Variants in CHRNA4 observed in about 807,000 individuals in gnomAD.
CHRNA4 encodes neuronal acetylcholine receptor subunit alpha-4.
A neutral mutation model predicts 48.9 loss-of-function variants in CHRNA4; 28 were observed. The ratio of observed to expected loss-of-function variants is 0.57; its 90% CI spans 0.42 to 0.79. The LOEUF (loss-of-function observed/expected upper bound fraction) is 0.79. Among genes scored for constraint, CHRNA4 ranks in the 30% least tolerant of loss-of-function variants. The probability of loss-of-function intolerance (pLI) is 0.00; values close to 1 mark genes in which losing one functional copy is unlikely to be tolerated. For missense variants in CHRNA4, 859 were observed against 898.4 expected, an observed-to-expected ratio of 0.96 and a Z score of 0.56; for synonymous variants, 425 against 402.3, an observed-to-expected ratio of 1.06 and a Z score of -0.68.
chr20:63,355,294 G>A (rs951998044), intron 4 of CHRNA4: 42 of 354,700 alleles, frequency 1.2e-4, no homozygotes, highest in Middle Eastern at 2.0e-3. Context: ...CCGTGGCAAC[G>A]CTGCCCTGGC....
intron 2 of CHRNA4, 22 bp from the exon 3 acceptor site, chr20:63,356,437 G>A (rs201231518): frequency 3.7e-5 from 59 of 1,591,496 alleles, no homozygotes; most frequent in Non-Finnish European, 4.5e-5. Context: ...AGAGAGGAAG[G>A]GGGCCAGTGA....
Position 63,356,661 on chromosome 20 carries a change from G to C in CHRNA4, c.229-246C>G, listed in dbSNP as rs1018352983. 1.2e-5 allele frequency: 7 copies of C among 587,048 alleles called. No homozygotes were observed. The Admixed American group carries it at 1.4e-4, about 12-fold the overall frequency. The allele number at this position is 587,048 out of a possible 1,614,324, so 36.4% of individuals were successfully genotyped here. On this transcript the variant is annotated intron_variant, in intron 2 of 5. Coordinates refer to ENST00000370263, the MANE Select transcript of CHRNA4 (RefSeq NM_000744.7). ...TCCAGCAGGAAACTGGAGAGGAGTC[G>C]GCGGCCTCACAGGCTTCCCCAGCTA...
chr20:63,357,219 C>T (rs2068735250), intron 2 of CHRNA4, among the ~76,000 whole-genome samples: 1 of 150,496 alleles, frequency 6.6e-6, no homozygotes, highest in African/African-American at 2.5e-5. Flanking sequence ...CTGACCATGT[C>T]CCCACAGGAC....
At chr20:63,349,591 A>AAGGGCGTCCGCCGGTTCC (rs2068548900) in intron 5 of CHRNA4, 62 bp downstream of exon 5, 1 of 1,600,726 alleles carries the variant, frequency 6.2e-7, no homozygotes, top group Non-Finnish European at 8.5e-7. Flanking sequence ...ACCAGGAAGA[A>AAGGGCGTCCGCCGGTTCC]AGGGCGTCCG....
intron 4 of CHRNA4, among the ~76,000 whole-genome samples, chr20:63,351,370 A>G (rs976148548): frequency 2.0e-5 from 3 of 152,202 alleles, no homozygotes; most frequent in African/African-American, 7.2e-5. Context: ...ATCATCCCTG[A>G]GCTGGGCGTA....
rs369774824 is a variant in CHRNA4, at chr20:63,348,520, C to T, written c.1758+1133G>A. Among the ~76,000 whole-genome samples the T allele has an allele frequency of 3.9e-5, 6 of 152,336 alleles. No homozygotes were observed. In the South Asian group the frequency reaches 1.0e-3, roughly 26 times the overall value. On this transcript the variant is annotated intron_variant, in intron 5 of 5. Transcript: ENST00000370263. The stretch of plus-strand genomic sequence containing the variant: ...GGCTCGCTCAGCTAGTGGGGGCAGG[C>T]ACCAGATGCGTCCGAATAAACCATC...
At position 63,350,185 on chromosome 20, in the gene CHRNA4, C is replaced by G. The variant is rs1276364942; in HGVS notation, c.1226G>C (p.Cys409Ser). The change falls in exon 5 of 6, where the codon TGT becomes TCT. Residue 409 changes from cysteine to serine, a missense_variant. Physicochemically the swap from Cys to Ser is moderately radical, Grantham distance 112. Coordinates refer to ENST00000370263, the MANE Select transcript of CHRNA4 (RefSeq NM_000744.7). ...CTCAGCCGGCACATCCAGGGGGACA[C>G]AGAAGGACGGTGAGGGCGGGTGCAG... Reference protein sequence around the residue: ...QSLHPPSPSFCVPLDVPAEPG... With the variant: ...QSLHPPSPSFSVPLDVPAEPG... The G allele has an allele frequency of 6.3e-7, 1 of 1,594,762 alleles. No individual in the cohort carries two copies. Among genetic ancestry groups the G allele is most frequent in the African/African-American group, 1.3e-5 (1 of 74,766 alleles).
rs200201830 is a variant in CHRNA4, at chr20:63,345,076, C to T, written c.*1662G>A. ...GCAATGTGGGCCTGAGTCTCCTCCC[C>T]ACTCACGTCACTGCCCGCGGGGACA... On this transcript the variant is annotated 3_prime_UTR_variant, in exon 6 of 6. Transcript: ENST00000370263. The surrounding 1 kb of genome is among the most constrained non-coding windows in gnomAD (Gnocchi z 5.4). 1.6e-4 allele frequency: 73 copies of T among 453,932 alleles called. No homozygotes were observed. The Middle Eastern group carries it at 2.7e-3, about 17-fold the overall frequency. 28.1% of individuals were successfully genotyped at this position (453,932 alleles called of 1,614,324 possible). A position where few individuals can be genotyped will look rare whatever the true frequency, so the allele number is the denominator to read the frequency against.
intron 4 of CHRNA4, among the ~76,000 whole-genome samples, chr20:63,352,727 T>C (rs1568813633): frequency 6.6e-6 from 1 of 152,214 alleles, no homozygotes; most frequent in Non-Finnish European, 1.5e-5. Flanking sequence ...GCCAGGGCCA[T>C]GCTCAGGGAA....
At position 63,350,810 on chromosome 20, in the gene CHRNA4, G is replaced by T. The variant is rs1251885752; in HGVS notation, c.601C>A (p.Leu201Met). 1 of 1,613,844 alleles carries T rather than the reference G, an allele frequency of 6.2e-7. No individual in the cohort carries two copies. Among genetic ancestry groups the T allele is most frequent in the Non-Finnish European group, 8.5e-7 (1 of 1,180,034 alleles). Residue 201 changes from leucine (L) to methionine (M), a missense_variant, in exon 5 of 6, where the codon CTG becomes ATG. Physicochemically the swap from Leu to Met is conservative, Grantham distance 15. Coordinates refer to ENST00000370263, the MANE Select transcript of CHRNA4 (RefSeq NM_000744.7). ...CACTCGCCACTCTCCCAGAAGTCCA[G>T]CTGGTCCACGCGGCTGTGCATGTTC... ...LVNMHSRVDQLDFWESGEWVI... is the reference protein window; with the variant it reads ...LVNMHSRVDQMDFWESGEWVI...
chr20:63,343,618 G>A lies in CHRNA4; in HGVS notation c.*3120C>T, dbSNP rs45612034. 23,556 of 453,598 alleles carry A rather than the reference G, an allele frequency of 0.052. 906 individuals carry two copies. Among genetic ancestry groups the A allele is most frequent in the South Asian group, 0.11 (6,966 of 64,464 alleles). The allele number at this position is 453,598 out of a possible 1,614,324, so 28.1% of individuals were successfully genotyped here. On this transcript the variant is annotated 3_prime_UTR_variant, in exon 6 of 6. Transcript: ENST00000370263. ...CCACGCTTCCTGAGAGGAGGGCCAC[G>A]TCGCCCCAGGCCGGGCCACACGGGA... is the stretch of plus-strand genomic sequence containing the variant.
intron 1 of CHRNA4, 185 bp from the exon 2 acceptor site, chr20:63,359,884 TGC>T: frequency 3.5e-6 from 2 of 571,944 alleles, no homozygotes; most frequent in Non-Finnish European, 6.2e-6. Flanking sequence ...TGTGTGTGTG[TGC>T]CGGGCGTGTG....
In CHRNA4 at chr20:63,346,211, G is replaced by C. The variant is rs201699497; in HGVS notation, c.*527C>G. The C allele has an allele frequency of 2.2e-6, 1 of 454,356 alleles. No homozygotes were observed. Among genetic ancestry groups the C allele is most frequent in the Middle Eastern group, 6.9e-4 (1 of 1,442 alleles). The allele number at this position is 454,356 out of a possible 1,614,324, so 28.1% of individuals were successfully genotyped here. A position where few individuals can be genotyped will look rare whatever the true frequency, so the allele number is the denominator to read the frequency against. On this transcript the variant is annotated 3_prime_UTR_variant, in exon 6 of 6. Coordinates refer to ENST00000370263, the MANE Select transcript of CHRNA4 (RefSeq NM_000744.7). ...AGCGAAGCAGATTGGAGCGCTGCTG[G>C]CTCACCCTCATGGGGCCCGAGAGGC...
chr20:63,350,113 T>C lies in CHRNA4; in HGVS notation c.1298A>G (p.Gln433Arg), dbSNP rs1378459382. 111 of 1,545,946 alleles carry C rather than the reference T, an allele frequency of 7.2e-5. No homozygotes were observed. Among genetic ancestry groups the C allele is most frequent in the Non-Finnish European group, 9.6e-5 (110 of 1,143,540 alleles). Reference protein sequence around the residue: ...KSPSDQLPPQQPLEAEKASPH... With the variant: ...KSPSDQLPPQRPLEAEKASPH... Reference sequence around the variant, plus strand: ...GCTGGCTTTCTCAGCTTCCAGGGGCTGCTGAGGAGGGAGCTGGTCGGAGGG... The same window carrying C: ...GCTGGCTTTCTCAGCTTCCAGGGGCCGCTGAGGAGGGAGCTGGTCGGAGGG... The change falls in exon 5 of 6, where the codon CAG becomes CGG. Residue 433 changes from glutamine (Q) to arginine (R), a missense_variant. Physicochemically the swap from Gln to Arg is conservative, Grantham distance 43. Around this residue, in one of 3 missense-constraint regions of CHRNA4, gnomAD observed 478 missense variants for 455.4 expected, o/e 1.05. Coordinates refer to ENST00000370263, the MANE Select transcript of CHRNA4 (RefSeq NM_000744.7).
chr20:63,361,188 T>C lies in CHRNA4; in HGVS notation c.-23A>G. ...CATGGCGCACGCACCTCGCGGGCTC[T>C]AGATGCGGGCGGCTCCCGGCTCCCC... is the stretch of plus-strand genomic sequence containing the variant. On this transcript the variant is annotated 5_prime_UTR_variant, in exon 1 of 6. The change abolishes the stop of an existing upstream ORF in the 5' untranslated region. Transcript: ENST00000370263. The C allele has an allele frequency of 6.8e-7, 1 of 1,460,046 alleles. No individual in the cohort carries two copies. Among genetic ancestry groups the C allele is most frequent in the African/African-American group, 1.5e-5 (1 of 67,768 alleles). 90.4% of individuals were successfully genotyped at this position (1,460,046 alleles called of 1,614,324 possible). A position where few individuals can be genotyped will look rare whatever the true frequency, so the allele number is the denominator to read the frequency against.
At chr20:63,355,815 T>A in intron 4 of CHRNA4, 160 bp downstream of exon 4, 1 of 1,083,796 alleles carries the variant, frequency 9.2e-7, no homozygotes, top group Non-Finnish European at 1.3e-6. Context: ...TTGCTCCTGC[T>A]TCTTCCTTCC....
intron 4 of CHRNA4, 139 bp from the exon 5 acceptor site, chr20:63,351,166 C>T (rs1445913739): frequency 5.3e-6 from 4 of 750,264 alleles, no homozygotes; most frequent in African/African-American, 1.9e-5. Flanking sequence ...CCCACATCCA[C>T]GTCCACGCCC....
intron 4 of CHRNA4, chr20:63,355,495 C>A (rs765428448): frequency 7.8e-7 from 1 of 1,289,456 alleles, no homozygotes; most frequent in South Asian, 1.2e-5. Flanking sequence ...GGCTTCCTCA[C>A]CCCTCTCCAG....
In CHRNA4 at chr20:63,345,354, G is replaced by A. The variant is rs1221774664; in HGVS notation, c.*1384C>T. ...CCTGAACCGATGTCACTCACAGGCA[G>A]GGGACACGCCATCCTGGCCCCGCCC... is the stretch of plus-strand genomic sequence containing the variant. On this transcript the variant is annotated 3_prime_UTR_variant, in exon 6 of 6. Transcript: ENST00000370263. This position sits in a 1 kb window ranked among gnomAD's most constrained non-coding sequence, Gnocchi z 5.4. 1 of 447,752 alleles carries A rather than the reference G, an allele frequency of 2.2e-6. No individual in the cohort carries two copies. The highest frequency in any genetic ancestry group is 1.6e-5 in the South Asian group (1 of 63,722). 27.7% of individuals were successfully genotyped at this position (447,752 alleles called of 1,614,324 possible). A position where few individuals can be genotyped will look rare whatever the true frequency, so the allele number is the denominator to read the frequency against.
Sources: gnomAD v4.1 joint callset for allele counts (sites outside exome capture counted in the v4.1 genomes callset) on GRCh38, gnomAD v4.1.1 for gene constraint, gnomAD v4.1.1 regional missense constraint, Gnocchi (gnomAD v3.1) non-coding constraint, MANE v1.5 for transcripts, NCBI Gene and HGNC (gene_info 2026-07-23, HGNC 2026-07-21) for gene names.